Variants in HOOK3 observed in about 807,000 individuals in gnomAD.
HOOK3 encodes the protein protein Hook homolog 3.
Under a neutral mutation model 116.3 loss-of-function variants are expected in HOOK3, and 24 were observed. That is an observed-to-expected ratio of 0.21 (90% confidence interval 0.15 to 0.29). The LOEUF is 0.29. HOOK3 is among the 10% of genes least tolerant of loss of function. The pLI, the probability that HOOK3 is intolerant of heterozygous loss-of-function variation, is 1.00. For missense variants in HOOK3, 632 were observed against 830.2 expected (o/e 0.76, Z 2.93); for synonymous variants, 275 against 283.0 (o/e 0.97, Z 0.28).
At chr8:42,989,878 G>T (rs1350841457) in intron 15 of HOOK3, among the ~76,000 whole-genome samples, 1 of 152,068 alleles carries the variant, frequency 6.6e-6, no homozygotes, top group African/African-American at 2.4e-5. Context: ...TTAACATAAT[G>T]ACCTTCAGTT....
intron 2 of HOOK3, 116 bp downstream of exon 2, chr8:42,906,374 G>A (rs565224850): frequency 3.8e-5 from 27 of 719,160 alleles, no homozygotes; most frequent in Middle Eastern, 2.9e-4. Context: ...AGTTGTAGGC[G>A]GCAGCAGCAC....
chr8:43,000,288 T>G (rs1199944474), intron 16 of HOOK3: 2 of 1,284,128 alleles, frequency 1.6e-6, no homozygotes. Flanking sequence ...TAAGTATGGC[T>G]TCCTTTTCAT....
chr8:42,901,092 T>C (rs543905114), intron 1 of HOOK3, among the ~76,000 whole-genome samples: 1 of 152,328 alleles, frequency 6.6e-6, no homozygotes, highest in African/African-American at 2.4e-5. Context: ...ACCAGCTAGA[T>C]GACAATAGCA....
chr8:42,962,230 C>T (rs1808546075), intron 8 of HOOK3, among the ~76,000 whole-genome samples: 1 of 151,178 alleles, frequency 6.6e-6, no homozygotes, highest in Admixed American at 6.6e-5. Flanking sequence ...CCACAGGTGC[C>T]TACCACTAGG....
intron 4 of HOOK3, among the ~76,000 whole-genome samples, chr8:42,932,389 A>G (rs1807891143): frequency 6.6e-6 from 1 of 152,202 alleles, no homozygotes; most frequent in African/African-American, 2.4e-5. Context: ...ATAAAAAAGA[A>G]TAGAAAATGT....
chr8:42,904,510 A>G (rs1156801765), intron 1 of HOOK3, among the ~76,000 whole-genome samples: 1 of 151,678 alleles, frequency 6.6e-6, no homozygotes, highest in Non-Finnish European at 1.5e-5. Context: ...ACAGGATTTC[A>G]CTGTGTTAGT....
chr8:42,995,901 A>T (rs1809254806), intron 15 of HOOK3, among the ~76,000 whole-genome samples: 1 of 152,050 alleles, frequency 6.6e-6, no homozygotes, highest in African/African-American at 2.4e-5. Flanking sequence ...GCCTTCTCTC[A>T]TCTTCATGCC....
intron 14 of HOOK3, among the ~76,000 whole-genome samples, chr8:42,984,871 C>T (rs752020476): frequency 6.6e-6 from 1 of 152,118 alleles, no homozygotes; most frequent in Non-Finnish European, 1.5e-5. Flanking sequence ...CCACAGTCCT[C>T]CAGCCTGGGC....
At chr8:42,949,244 T>C (rs1808293117) in intron 5 of HOOK3, 1 of 152,250 alleles carries the variant, frequency 6.6e-6, no homozygotes, top group African/African-American at 2.4e-5. Context: ...TTTACGTGTT[T>C]CTTATTGCAA....
intron 5 of HOOK3, among the ~76,000 whole-genome samples, chr8:42,945,225 T>C (rs575743738): frequency 6.6e-6 from 1 of 152,298 alleles, no homozygotes; most frequent in African/African-American, 2.4e-5. Context: ...GTCTTGCACA[T>C]AGTAGTGGTT....
intron 4 of HOOK3, among the ~76,000 whole-genome samples, chr8:42,934,290 C>T (rs1563294673): frequency 6.6e-6 from 1 of 151,898 alleles, no homozygotes; most frequent in African/African-American, 2.4e-5. Flanking sequence ...TGCAAGAGCG[C>T]TTTATGTTTT....
Position 43,020,764 on chromosome 8 carries a change from GTAAGT to G in HOOK3, c.*2270_*2274del, listed in dbSNP as rs1303000153. ...AATTGGAATATGAGCACTAACCTTG[GTAAGT>G]TAAAATTTTGGGAAAATTGTACCTG... On this transcript the variant is annotated 3_prime_UTR_variant, in exon 22 of 22. Coordinates refer to ENST00000307602, the MANE Select transcript of HOOK3 (RefSeq NM_032410.4). The G allele has an allele frequency of 5.5e-6, 1 of 180,192 alleles. No homozygotes were observed. The highest frequency in any genetic ancestry group is 9.2e-5 in the East Asian group (1 of 10,904). The allele number at this position is 180,192 out of a possible 1,614,324, so 11.2% of individuals were successfully genotyped here.
chr8:42,954,283 A>C (rs1415111130), intron 6 of HOOK3, among the ~76,000 whole-genome samples: 2 of 152,206 alleles, frequency 1.3e-5, no homozygotes, highest in Non-Finnish European at 2.9e-5. Flanking sequence ...TTTTTCTATA[A>C]TAACAGGTGG....
At chr8:43,008,288 G>A (rs562631179) in intron 18 of HOOK3, among the ~76,000 whole-genome samples, 1 of 152,180 alleles carries the variant, frequency 6.6e-6, no homozygotes, top group East Asian at 1.9e-4. Context: ...AAAGTGCTGA[G>A]ATTACAGACA....
In HOOK3 at chr8:42,943,348, TG is replaced by T; in HGVS notation, c.304del (p.Asp102MetfsTer2). The T allele has an allele frequency of 6.5e-7, 1 of 1,548,820 alleles. No homozygotes were observed. Among genetic ancestry groups the T allele is most frequent in the Non-Finnish European group, 8.7e-7 (1 of 1,145,538 alleles). ...AGCAAATTAATGACTTTACCCTTCC[TG>T]ATGTGAACCTTATTGGGGAGCATTC... ...GQQINDFTLP[D>X]VNLIGEHSDA... On this transcript the variant is annotated frameshift_variant, in exon 5 of 22. Transcript: ENST00000307602. LOFTEE classifies it high-confidence loss of function.
intron 14 of HOOK3, among the ~76,000 whole-genome samples, chr8:42,984,442 C>T (rs1213287962): frequency 6.6e-6 from 1 of 151,764 alleles, no homozygotes; most frequent in Non-Finnish European, 1.5e-5. Context: ...ATTTTGTGTA[C>T]CTTTTTCTTT....
At chr8:42,932,123 T>C (rs1807885940) in intron 4 of HOOK3, among the ~76,000 whole-genome samples, 1 of 152,186 alleles carries the variant, frequency 6.6e-6, no homozygotes, top group African/African-American at 2.4e-5. Context: ...ATCAGGACAG[T>C]GCTATTACAC....
At chr8:42,995,574 C>T (rs544044555) in intron 15 of HOOK3, among the ~76,000 whole-genome samples, 28 of 152,256 alleles carry the variant, frequency 1.8e-4, no homozygotes, top group Non-Finnish European at 3.5e-4. Flanking sequence ...CACATTCTTT[C>T]TAGACAATAT....
At chr8:42,917,740 G>A (rs1290307419) in intron 2 of HOOK3, among the ~76,000 whole-genome samples, 1 of 152,138 alleles carries the variant, frequency 6.6e-6, no homozygotes, top group Non-Finnish European at 1.5e-5. Context: ...ATAGGATGAA[G>A]GTCAAGCTGT....
Sources: allele counts gnomAD v4.1 joint callset (sites outside exome capture counted in the v4.1 genomes callset), GRCh38; gene constraint gnomAD v4.1.1; transcripts MANE v1.5; gene names NCBI Gene and HGNC (gene_info 2026-07-23, HGNC 2026-07-21).